NRXN1: variants seen among roughly 807,000 people sequenced by gnomAD.
NRXN1 encodes neurexin-1.
A neutral mutation model predicts 150.9 loss-of-function variants in NRXN1; 39 were observed. The observed-to-expected ratio is 0.26, with a 90% CI of 0.20 to 0.34. NRXN1 has a LOEUF of 0.34. NRXN1 is among the 10% of genes least tolerant of loss of function. The pLI, the probability that NRXN1 is intolerant of heterozygous loss-of-function variation, is 1.00. For synonymous variants in NRXN1, 924 were observed against 757.0 expected (o/e 1.22, Z -3.62); for missense variants, 1,815 against 1,949.9 (o/e 0.93, Z 1.30).
At chr2:50,542,605 A>C (rs1394272768) in intron 9 of NRXN1, among the ~76,000 whole-genome samples, 2 of 152,226 alleles carry the variant, frequency 1.3e-5, no homozygotes, top group African/African-American at 2.4e-5. Flanking sequence ...AATAATCAGA[A>C]AGTAAAGAAT....
chr2:50,882,595 G>A (rs1159419128), intron 5 of NRXN1, among the ~76,000 whole-genome samples: 1 of 151,706 alleles, frequency 6.6e-6, no homozygotes, highest in Admixed American at 6.6e-5. Context: ...CCTGATCTCA[G>A]ATAAAAATTG....
intron 15 of NRXN1, among the ~76,000 whole-genome samples, chr2:50,482,074 T>C (rs944964323): frequency 6.6e-6 from 1 of 152,296 alleles, no homozygotes; most frequent in African/African-American, 2.4e-5. Context: ...GGCCGAACTT[T>C]TGTTTCTTAT....
At chr2:50,281,186 C>T (rs1006095097) in intron 17 of NRXN1, among the ~76,000 whole-genome samples, 2 of 148,858 alleles carry the variant, frequency 1.3e-5, no homozygotes, top group East Asian at 2.0e-4. Context: ...GGCATGGTGG[C>T]GGCGCCTGTG....
chr2:50,606,957 A>C (rs1453363769), intron 8 of NRXN1, among the ~76,000 whole-genome samples: 1 of 152,098 alleles, frequency 6.6e-6, no homozygotes, highest in Non-Finnish European at 1.5e-5. Flanking sequence ...ACTGCAAATG[A>C]AGTGAAAAAA....
rs534787748 is a variant in NRXN1, at chr2:50,841,730, T to C, written c.832+80139A>G. Among the ~76,000 whole-genome samples, 48 of 152,312 alleles carry C rather than the reference T, an allele frequency of 3.2e-4. 2 individuals carry two copies. The South Asian group carries it at 9.5e-3, about 30-fold the overall frequency. On this transcript the variant is annotated intron_variant, in intron 5 of 22. Coordinates refer to ENST00000401669, the MANE Select transcript of NRXN1 (RefSeq NM_001330078.2). ...ATGTCTTTGGGAAAAAAAATTGTAATTTTTGTAAACCAAAGTGTTTCACGA... is the reference window on the plus strand; with the variant it reads ...ATGTCTTTGGGAAAAAAAATTGTAACTTTTGTAAACCAAAGTGTTTCACGA...
intron 8 of NRXN1, among the ~76,000 whole-genome samples, chr2:50,597,242 G>A (rs1215982391): frequency 1.3e-5 from 2 of 152,106 alleles, no homozygotes; most frequent in African/African-American, 2.4e-5. Flanking sequence ...GTTATAGCTA[G>A]CTCAGAAGAG....
intron 15 of NRXN1, among the ~76,000 whole-genome samples, chr2:50,495,287 C>T (rs1203551475): frequency 6.7e-6 from 1 of 150,174 alleles, no homozygotes; most frequent in Non-Finnish European, 1.5e-5. Flanking sequence ...AATGAAGTAT[C>T]AATAAGGAAG....
chr2:50,057,394 A>T (rs1409361535), intron 19 of NRXN1, among the ~76,000 whole-genome samples: 2 of 152,168 alleles, frequency 1.3e-5, no homozygotes, highest in African/African-American at 4.8e-5. Flanking sequence ...AATTAATGGA[A>T]TCTTCTTGGT....
chr2:50,408,655 A>ATG (rs1182611946), intron 17 of NRXN1, among the ~76,000 whole-genome samples: 1 of 152,028 alleles, frequency 6.6e-6, no homozygotes, highest in Non-Finnish European at 1.5e-5. Context: ...GATTGTGTGT[A>ATG]TGTGTGTGTG....
At chr2:50,583,359 G>A (rs554796488) in intron 8 of NRXN1, among the ~76,000 whole-genome samples, 2 of 151,986 alleles carry the variant, frequency 1.3e-5, no homozygotes, top group Non-Finnish European at 2.9e-5. Context: ...CTTTTAACCT[G>A]ATTAACCTAC....
At chr2:50,719,384 C>T (rs1028839585) in intron 5 of NRXN1, among the ~76,000 whole-genome samples, 7 of 151,922 alleles carry the variant, frequency 4.6e-5, no homozygotes, top group Admixed American at 6.6e-5. Flanking sequence ...AAATAAGTTT[C>T]GTTTTCCGGC....
chr2:50,483,187 C>T (rs1558808874), intron 15 of NRXN1, among the ~76,000 whole-genome samples: 1 of 152,058 alleles, frequency 6.6e-6, no homozygotes, highest in Non-Finnish European at 1.5e-5. Flanking sequence ...CCCACCAGTG[C>T]CATGACAGTT....
intron 17 of NRXN1, among the ~76,000 whole-genome samples, chr2:50,250,628 A>C (rs924763837): frequency 3.9e-5 from 6 of 152,110 alleles, no homozygotes; most frequent in Non-Finnish European, 7.4e-5. Flanking sequence ...TATGAAATGC[A>C]AATTTCCTTT....
intron 18 of NRXN1, among the ~76,000 whole-genome samples, chr2:50,137,670 C>T (rs1706624714): frequency 6.6e-6 from 1 of 152,084 alleles, no homozygotes; most frequent in South Asian, 2.1e-4. Context: ...CTTAATTATT[C>T]CCTGTTTCAA....
chr2:50,715,012 T>C (rs1462371794), intron 5 of NRXN1, among the ~76,000 whole-genome samples: 1 of 152,114 alleles, frequency 6.6e-6, no homozygotes, highest in Non-Finnish European at 1.5e-5. Flanking sequence ...CAAAGAAATT[T>C]AGGTTAAATT....
At chr2:50,600,287 A>G (rs1413552108) in intron 8 of NRXN1, among the ~76,000 whole-genome samples, 1 of 151,620 alleles carries the variant, frequency 6.6e-6, no homozygotes, top group East Asian at 1.9e-4. Context: ...AAAAAAAAAT[A>G]GAAAAATTTC....
chr2:50,134,524 G>C (rs1047899547), intron 18 of NRXN1, among the ~76,000 whole-genome samples: 7 of 152,130 alleles, frequency 4.6e-5, no homozygotes, highest in African/African-American at 1.7e-4. Flanking sequence ...GAAGATGTTT[G>C]ATACAATTCA....
At chr2:50,462,776 T>C (rs149391970) in intron 17 of NRXN1, among the ~76,000 whole-genome samples, 7 of 151,950 alleles carry the variant, frequency 4.6e-5, no homozygotes, top group Non-Finnish European at 8.8e-5. Context: ...TTATCCAAGA[T>C]TACATTTACA....
At chr2:50,160,152 A>G (rs1285777343) in intron 18 of NRXN1, among the ~76,000 whole-genome samples, 1 of 149,676 alleles carries the variant, frequency 6.7e-6, no homozygotes, top group East Asian at 2.0e-4. Flanking sequence ...GTGAGGGATC[A>G]AAGGATGCAA....
Sources: gnomAD v4.1 joint callset for allele counts (sites outside exome capture counted in the v4.1 genomes callset) on GRCh38, gnomAD v4.1.1 for gene constraint, MANE v1.5 for transcripts, NCBI Gene and HGNC (gene_info 2026-07-23, HGNC 2026-07-21) for gene names.